Variants in FNBP1L observed in about 807,000 individuals in gnomAD.
FNBP1L encodes the protein formin binding protein 1 like.
FNBP1L carries 36 observed loss-of-function variants against 91.2 expected under a neutral mutation model. The ratio of observed to expected loss-of-function variants is 0.39; its 90% CI spans 0.30 to 0.52. The LOEUF (loss-of-function observed/expected upper bound fraction) is 0.52. Ranked by LOEUF, FNBP1L falls within the 20% of genes least tolerant of loss-of-function variation. FNBP1L has a pLI of 0.66. For synonymous variants in FNBP1L, 242 were observed against 237.0 expected (o/e 1.02, Z -0.19); for missense variants, 571 against 732.1 (o/e 0.78, Z 2.54).
intron 2 of FNBP1L, among the ~76,000 whole-genome samples, chr1:93,505,112 T>C (rs1278362915): frequency 6.8e-6 from 1 of 146,274 alleles, no homozygotes; most frequent in Non-Finnish European, 1.5e-5. Flanking sequence ...GCTTCATTCT[T>C]TTTTTTTTTT....
chr1:93,512,673 C>A (rs1477758658), intron 2 of FNBP1L, among the ~76,000 whole-genome samples: 3 of 149,676 alleles, frequency 2.0e-5, no homozygotes, highest in Non-Finnish European at 4.5e-5. Context: ...TGAATGACTA[C>A]TGGGTACATA....
chr1:93,494,144 C>T (rs1670188544), intron 1 of FNBP1L, among the ~76,000 whole-genome samples: 3 of 152,172 alleles, frequency 2.0e-5, no homozygotes, highest in Admixed American at 2.0e-4. Flanking sequence ...ACCCCCTCCT[C>T]CAGTTTGATA....
chr1:93,472,538 C>G (rs1488752737), intron 1 of FNBP1L, among the ~76,000 whole-genome samples: 1 of 151,516 alleles, frequency 6.6e-6, no homozygotes, highest in African/African-American at 2.4e-5. Flanking sequence ...CTCGGCCGGG[C>G]GTGGTGGCTT....
intron 1 of FNBP1L, among the ~76,000 whole-genome samples, chr1:93,451,860 C>T (rs952949753): frequency 6.6e-6 from 1 of 152,114 alleles, no homozygotes; most frequent in African/African-American, 2.4e-5. Context: ...CCACGTTGGC[C>T]AGGCTGGTCT....
intron 10 of FNBP1L, among the ~76,000 whole-genome samples, chr1:93,539,300 T>A (rs1671947444): frequency 6.6e-6 from 1 of 152,004 alleles, no homozygotes; most frequent in Non-Finnish European, 1.5e-5. Context: ...TCTCTTGTGT[T>A]TATTAAATGT....
chr1:93,484,979 A>G (rs1026658919), intron 1 of FNBP1L, among the ~76,000 whole-genome samples: 1 of 152,084 alleles, frequency 6.6e-6, no homozygotes, highest in Non-Finnish European at 1.5e-5. Flanking sequence ...ATAGCAAGAC[A>G]CTGTCTCTAC....
intron 8 of FNBP1L, 140 bp from the exon 9 acceptor site, chr1:93,534,565 A>G: frequency 1.8e-6 from 1 of 542,124 alleles, no homozygotes; most frequent in Non-Finnish European, 3.2e-6. Context: ...CATGGGAATA[A>G]ATTATTTACC....
At position 93,513,605 on chromosome 1, in the gene FNBP1L, C is replaced by T. The variant is rs1479082928; in HGVS notation, c.141-8477C>T. On this transcript the variant is annotated intron_variant, in intron 2 of 16. Transcript: ENST00000271234. ...TGGGCTTCATCCCTGGGATGCAAGGCTGGTTCAATATACGCAAATCAATAA... is the reference window on the plus strand; with the variant it reads ...TGGGCTTCATCCCTGGGATGCAAGGTTGGTTCAATATACGCAAATCAATAA... Among the ~76,000 whole-genome samples, 64 of 151,762 alleles carry T rather than the reference C, an allele frequency of 4.2e-4. 1 individual carries two copies. The highest frequency in any genetic ancestry group is 1.4e-3 in the Admixed American group (21 of 15,244).
chr1:93,476,834 A>G (rs557436274), intron 1 of FNBP1L, among the ~76,000 whole-genome samples: 1 of 152,294 alleles, frequency 6.6e-6, no homozygotes, highest in East Asian at 1.9e-4. Flanking sequence ...ACAGAGAAAG[A>G]TGTGTTACTG....
intron 15 of FNBP1L, among the ~76,000 whole-genome samples, chr1:93,550,083 T>C (rs952044323): frequency 1.6e-4 from 25 of 152,332 alleles, no homozygotes; most frequent in African/African-American, 6.0e-4. Context: ...CTTTCATAAA[T>C]AAACGGTTGT....
At chr1:93,487,344 G>T (rs1380435478) in intron 1 of FNBP1L, among the ~76,000 whole-genome samples, 1 of 152,080 alleles carries the variant, frequency 6.6e-6, no homozygotes, top group Non-Finnish European at 1.5e-5. Context: ...AAGAAAGCCT[G>T]ATTTGGATAA....
chr1:93,460,907 A>G (rs1467100255), intron 1 of FNBP1L, among the ~76,000 whole-genome samples: 1 of 152,226 alleles, frequency 6.6e-6, no homozygotes, highest in Admixed American at 6.5e-5. Flanking sequence ...TGCTGTAAGA[A>G]TAGTTTTATA....
chr1:93,544,460 A>G (rs1485756359), intron 12 of FNBP1L, among the ~76,000 whole-genome samples: 3 of 151,976 alleles, frequency 2.0e-5, no homozygotes, highest in Non-Finnish European at 4.4e-5. Flanking sequence ...AAATTTCTTG[A>G]TATTTTATTA....
intron 2 of FNBP1L, among the ~76,000 whole-genome samples, chr1:93,513,324 G>A (rs1450413544): frequency 2.6e-5 from 4 of 151,514 alleles, no homozygotes; most frequent in Admixed American, 6.6e-5. Context: ...ATTCACAGCC[G>A]AATTCTACCA....
chr1:93,461,016 T>C (rs1668841553), intron 1 of FNBP1L, among the ~76,000 whole-genome samples: 1 of 152,184 alleles, frequency 6.6e-6, no homozygotes, highest in Non-Finnish European at 1.5e-5. Context: ...ACCTCCAAGT[T>C]TGCATTTTTT....
chr1:93,462,560 C>A (rs931797833), intron 1 of FNBP1L, among the ~76,000 whole-genome samples: 1 of 152,124 alleles, frequency 6.6e-6, no homozygotes, highest in Non-Finnish European at 1.5e-5. Context: ...AACATTTTCT[C>A]AGACTTCCCT....
rs983321966 is a variant in FNBP1L, at chr1:93,514,851, G to T, written c.141-7231G>T. Among the ~76,000 whole-genome samples the T allele has an allele frequency of 3.7e-4, 56 of 152,232 alleles. 1 individual carries two copies. The highest frequency in any genetic ancestry group is 1.3e-4 in the Admixed American group (2 of 15,300). ...CCTAGGCATTACCATTCAGGACATAGGCATGGGCAAGGACTTCATGTCTAA... is the reference window on the plus strand; with the variant it reads ...CCTAGGCATTACCATTCAGGACATATGCATGGGCAAGGACTTCATGTCTAA... On this transcript the variant is annotated intron_variant, in intron 2 of 16. Transcript: ENST00000271234.
In FNBP1L at chr1:93,507,095, ACACACACACACACTCTCTCT is replaced by A. The variant is rs1164506954; in HGVS notation, c.140+7514_140+7533del. Among the ~76,000 whole-genome samples, 172 of 104,038 alleles carry A rather than the reference ACACACACACACACTCTCTCT, an allele frequency of 1.7e-3. 1 individual carries two copies. The highest frequency in any genetic ancestry group is 4.6e-3 in the African/African-American group (115 of 25,028). 68.3% of individuals were successfully genotyped at this position (104,038 alleles called of 152,430 possible). A position where few individuals can be genotyped will look rare whatever the true frequency, so the allele number is the denominator to read the frequency against. ...CACACACACACACACACACACACACACACACACACACACTCTCTCTCTCTCTCTCTCTCTCTCTCTCTCTC... is the reference window on the plus strand; with the variant it reads ...CACACACACACACACACACACACACACTCTCTCTCTCTCTCTCTCTCTCTC... On this transcript the variant is annotated intron_variant, in intron 2 of 16. Coordinates refer to ENST00000271234, the MANE Select transcript of FNBP1L (RefSeq NM_001164473.3).
intron 1 of FNBP1L, among the ~76,000 whole-genome samples, chr1:93,478,460 T>TGAGG (rs1307861423): frequency 1.3e-5 from 2 of 152,130 alleles, no homozygotes; most frequent in Admixed American, 1.3e-4. Flanking sequence ...AGTGGAATGA[T>TGAGG]GAGGGCATCC....
Sources: allele counts gnomAD v4.1 joint callset (sites outside exome capture counted in the v4.1 genomes callset), GRCh38; gene constraint gnomAD v4.1.1; transcripts MANE v1.5; gene names NCBI Gene and HGNC (gene_info 2026-07-23, HGNC 2026-07-21).